Variants in PPIP5K2 observed in about 807,000 individuals in gnomAD.
PPIP5K2 encodes the protein diphosphoinositol pentakisphosphate kinase 2.
In PPIP5K2, 105 loss-of-function variants were observed where a neutral mutation model predicts 154.6. That is an observed-to-expected ratio of 0.68 (90% confidence interval 0.58 to 0.80). PPIP5K2 has a LOEUF of 0.80. Ranked by LOEUF, PPIP5K2 falls within the 30% of genes least tolerant of loss-of-function variation. The probability of loss-of-function intolerance (pLI) is 0.00; values close to 1 mark genes in which losing one functional copy is unlikely to be tolerated. For synonymous variants in PPIP5K2, 480 were observed against 490.3 expected, an observed-to-expected ratio of 0.98 and a Z score of 0.28; for missense variants, 992 against 1,504.6, an observed-to-expected ratio of 0.66 and a Z score of 5.64.
chr5:103,177,889 A>C lies in PPIP5K2; in HGVS notation c.2663A>C (p.His888Pro). 6.2e-7 allele frequency: 1 copy of C among 1,613,136 alleles called. No individual in the cohort carries two copies. Residue 888 changes from histidine to proline, a missense_variant, in exon 23 of 31, where the codon CAT becomes CCT. By Grantham distance (77) the His-to-Pro change is moderately conservative. Around this residue, in one of 9 missense-constraint regions of PPIP5K2, gnomAD observed 157 missense variants for 281.2 expected, o/e 0.56. Coordinates refer to ENST00000358359, the MANE Select transcript of PPIP5K2 (RefSeq NM_001276277.3). ...GATCTTTCCTCAGAAGAACGCTTTC[A>C]TGTTGAATTACACTTTAGTCCGGGA... ...NKDLSSEERF[H>P]VELHFSPGAK...
chr5:103,178,009 G>A, intron 23 of PPIP5K2, 29 bp downstream of exon 23: 1 of 1,319,256 alleles, frequency 7.6e-7, no homozygotes, highest in Non-Finnish European at 1.1e-6. Flanking sequence ...TCAGTGCTTA[G>A]TTACTACAGT....
intron 19 of PPIP5K2, among the ~76,000 whole-genome samples, chr5:103,171,215 C>T (rs1797927656): frequency 6.7e-6 from 1 of 148,756 alleles, no homozygotes. Context: ...CAGGCTTAAT[C>T]CTCAGAAAAT....
At chr5:103,167,020 T>G (rs1797232669) in intron 17 of PPIP5K2, among the ~76,000 whole-genome samples, 159 bp from the exon 18 acceptor site, 1 of 151,950 alleles carries the variant, frequency 6.6e-6, no homozygotes, top group African/African-American at 2.4e-5. Context: ...CCTTTGCAGT[T>G]CAAACCTGTG....
intron 1 of PPIP5K2, among the ~76,000 whole-genome samples, chr5:103,121,023 A>G (rs1263789777): frequency 6.6e-6 from 1 of 152,130 alleles, no homozygotes. Context: ...TGCGCCTTGA[A>G]GAAGAAGGGG....
chr5:103,152,700 C>A lies in PPIP5K2; in HGVS notation c.1081C>A (p.Pro361Thr), dbSNP rs782733587. Residue 361 changes from proline to threonine, a missense_variant, in exon 10 of 31, where the codon CCC becomes ACC. By Grantham distance (38) the Pro-to-Thr change is conservative (BLOSUM62 -1). Transcript: ENST00000358359. Reference sequence around the variant, plus strand: ...ACAATTTCATATTCCATGGTCAATACCCTTAGAAGCTGAAGATATCCCAAT... The same window carrying A: ...ACAATTTCATATTCCATGGTCAATAACCTTAGAAGCTGAAGATATCCCAAT... ...APQFHIPWSIPLEAEDIPIVP... is the reference protein window; with the variant it reads ...APQFHIPWSITLEAEDIPIVP... The A allele has an allele frequency of 6.3e-7, 1 of 1,596,132 alleles. No individual in the cohort carries two copies.
chr5:103,145,894 A>G (rs954803849), intron 5 of PPIP5K2, among the ~76,000 whole-genome samples: 1 of 152,108 alleles, frequency 6.6e-6, no homozygotes, highest in Middle Eastern at 3.2e-3. Context: ...TGTTCCTAAC[A>G]CAAAGAAATG....
chr5:103,158,276 T>C lies in PPIP5K2; in HGVS notation c.1578T>C (p.Leu526=). 1 of 1,614,096 alleles carries C rather than the reference T, an allele frequency of 6.2e-7. No homozygotes were observed. The highest frequency in any genetic ancestry group is 8.5e-7 in the Non-Finnish European group (1 of 1,179,958). The part of the protein sequence containing the change: ...TPAGRVQAEE[L]GRAFRCMYPG... ...CAGGCAGGGTCCAGGCTGAAGAACT[T>C]GGAAGAGCCTTCAGGTGTATGTATC... The change falls in exon 15 of 31, where the codon CTT becomes CTC. Residue 526 remains leucine, a synonymous_variant. Coordinates refer to ENST00000358359, the MANE Select transcript of PPIP5K2 (RefSeq NM_001276277.3).
intron 6 of PPIP5K2, among the ~76,000 whole-genome samples, chr5:103,147,107 T>C (rs1364181053): frequency 6.6e-6 from 1 of 151,986 alleles, no homozygotes; most frequent in East Asian, 1.9e-4. Context: ...TATTACTTTT[T>C]GGATTGACAA....
intron 8 of PPIP5K2, among the ~76,000 whole-genome samples, chr5:103,149,774 G>A (rs1794333796): frequency 6.6e-6 from 1 of 150,726 alleles, no homozygotes. Flanking sequence ...TTGGCTCACT[G>A]CAACCTCTGC....
In PPIP5K2 at chr5:103,129,664, C is replaced by T. The variant is rs782341831; in HGVS notation, c.75C>T (p.Phe25=). The change falls in exon 2 of 31, where the codon TTC becomes TTT. Residue 25 remains phenylalanine, a synonymous_variant. Transcript: ENST00000358359. The part of the protein sequence containing the change: ...EINPGNYRHF[F]HHADEDDEEE... The stretch of plus-strand genomic sequence containing the variant: ...ATCCTGGAAATTATCGACATTTCTT[C>T]CACCATGCAGATGAAGACGATGAGG... The T allele has an allele frequency of 6.8e-6, 11 of 1,609,604 alleles. No homozygotes were observed. In the East Asian group the frequency reaches 2.0e-4, roughly 29 times the overall value.
intron 30 of PPIP5K2, among the ~76,000 whole-genome samples, 157 bp downstream of exon 30, chr5:103,195,182 A>G (rs530965645): frequency 6.6e-6 from 1 of 152,260 alleles, no homozygotes; most frequent in South Asian, 2.1e-4. Context: ...TAGTCAATTG[A>G]TATATATTTG....
chr5:103,172,496 T>C (rs544163163), intron 19 of PPIP5K2, among the ~76,000 whole-genome samples: 2 of 151,498 alleles, frequency 1.3e-5, no homozygotes, highest in African/African-American at 4.8e-5. Flanking sequence ...TTTCCCACTC[T>C]ACCCCCACTT....
intron 1 of PPIP5K2, among the ~76,000 whole-genome samples, chr5:103,127,841 A>C (rs1334465376): frequency 6.6e-6 from 1 of 152,166 alleles, no homozygotes; most frequent in African/African-American, 2.4e-5. Context: ...AAAAAAATTG[A>C]AAGAAACCAA....
chr5:103,124,722 G>A (rs1234094268), intron 1 of PPIP5K2, among the ~76,000 whole-genome samples: 1 of 152,132 alleles, frequency 6.6e-6, no homozygotes, highest in Non-Finnish European at 1.5e-5. Context: ...AGTATCCTGG[G>A]GAAACTGAAG....
chr5:103,190,551 T>C (rs1801067788), intron 28 of PPIP5K2, among the ~76,000 whole-genome samples: 1 of 152,008 alleles, frequency 6.6e-6, no homozygotes, highest in Admixed American at 6.6e-5. Flanking sequence ...TTCTTTGTTT[T>C]TTTTTCCCTA....
At chr5:103,161,506 C>A (rs1171822062) in intron 17 of PPIP5K2, among the ~76,000 whole-genome samples, 2 of 152,170 alleles carry the variant, frequency 1.3e-5, no homozygotes, top group Non-Finnish European at 2.9e-5. Context: ...AATGGTATTT[C>A]TAGTTCTAGA....
Position 103,159,311 on chromosome 5 carries a change from G to C in PPIP5K2, c.1903G>C (p.Ala635Pro). The C allele has an allele frequency of 6.2e-7, 1 of 1,605,790 alleles. No homozygotes were observed. The change falls in exon 17 of 31, where the codon GCT (alanine) becomes CCT (proline). Residue 635 changes from alanine to proline, a missense_variant. Ala to Pro is a conservative substitution (Grantham distance 27). Transcript: ENST00000358359. ...ACTTCAGAAAGACAGAGATTTTACT[G>C]CTGAAGATTATGAAAAGGTGGGTCT... ...EILQKDRDFT[A>P]EDYEKLTPSG... is the part of the protein sequence containing the mutation.
intron 1 of PPIP5K2, among the ~76,000 whole-genome samples, chr5:103,121,638 T>C (rs973237725): frequency 6.6e-6 from 1 of 152,232 alleles, no homozygotes; most frequent in South Asian, 2.1e-4. Context: ...TCTCTGTCTT[T>C]ATGGAGCATT....
chr5:103,155,996 T>C lies in PPIP5K2; in HGVS notation c.1489+2T>C. On this transcript the variant is annotated splice_donor_variant, in intron 14 of 30. Coordinates refer to ENST00000358359, the MANE Select transcript of PPIP5K2 (RefSeq NM_001276277.3). LOFTEE classifies it high-confidence loss of function. The stretch of plus-strand genomic sequence containing the variant: ...CTAAAACATCTAGTGAAGAGGAGGG[T>C]ATGTTATTCTTAATGCTTATACAGT... 1 of 1,554,234 alleles carries C rather than the reference T, an allele frequency of 6.4e-7. No individual in the cohort carries two copies. Among genetic ancestry groups the C allele is most frequent in the Non-Finnish European group, 8.9e-7 (1 of 1,126,062 alleles).
Sources: gnomAD v4.1 joint callset for allele counts (sites outside exome capture counted in the v4.1 genomes callset) on GRCh38, gnomAD v4.1.1 for gene constraint, gnomAD v4.1.1 regional missense constraint, MANE v1.5 for transcripts, NCBI Gene and HGNC (gene_info 2026-07-23, HGNC 2026-07-21) for gene names.